The following MMP17 variants were observed in gnomAD, a reference collection of about 807,000 sequenced individuals.
MMP17 encodes the protein matrix metallopeptidase 17.
Under a neutral mutation model 49.1 loss-of-function variants are expected in MMP17, and 54 were observed. The observed-to-expected ratio is 1.10, with a 90% CI of 0.88 to 1.38. The LOEUF (loss-of-function observed/expected upper bound fraction) is 1.38. MMP17 is among the 40% of genes most tolerant of loss of function. The pLI is 0.00. For synonymous variants in MMP17, 397 were observed against 383.1 expected (o/e 1.04, Z -0.42); for missense variants, 837 against 853.7 (o/e 0.98, Z 0.24).
Position 131,848,475 on chromosome 12 carries a change from C to T in MMP17, c.1205-1327C>T, listed in dbSNP as rs747127484. ...AGCCACAGCTCGGTGGCATGAAGCA[C>T]GTTCACGTTGCTGTGCAGCTGTCAC... On this transcript the variant is annotated intron_variant, in intron 8 of 9. Transcript: ENST00000360564. 7.8e-4 allele frequency among the ~76,000 whole-genome samples: 119 copies of T among 152,332 alleles called. 2 individuals are homozygous for T. The highest frequency in any genetic ancestry group is 1.2e-3 in the Non-Finnish European group (83 of 68,034).
intron 1 of MMP17, among the ~76,000 whole-genome samples, chr12:131,830,619 C>T (rs995185511): frequency 2.0e-5 from 3 of 152,230 alleles, no homozygotes; most frequent in African/African-American, 7.2e-5. Flanking sequence ...GGGGACTCCT[C>T]CTCCGCCCGC....
At chr12:131,829,734 C>T (rs1886697875) in intron 1 of MMP17, among the ~76,000 whole-genome samples, 1 of 152,234 alleles carries the variant, frequency 6.6e-6, no homozygotes. Flanking sequence ...GCAGTCGAGG[C>T]ATATGGAGGG....
At chr12:131,844,950 A>AT in intron 6 of MMP17, 168 bp from the exon 7 acceptor site, 4 of 640,200 alleles carry the variant, frequency 6.2e-6, no homozygotes, top group South Asian at 3.7e-5. Context: ...GAAGCGGTGG[A>AT]CAGGCACCCC....
Position 131,850,037 on chromosome 12 carries a change from C to T in MMP17, c.1440C>T (p.Asp480=), listed in dbSNP as rs149055160. 35 of 1,612,460 alleles carry T rather than the reference C, an allele frequency of 2.2e-5. No homozygotes were observed. The highest frequency in any genetic ancestry group is 1.1e-4 in the African/African-American group (8 of 75,026). Residue 480 remains aspartate (D), a synonymous_variant, in exon 9 of 10, where the codon GAC becomes GAT. Coordinates refer to ENST00000360564, the MANE Select transcript of MMP17 (RefSeq NM_016155.7). ...PLWRGVPSTL[D]DAMRWSDGAS... ...GGAGGGGTGTCCCCAGCACGCTGGA[C>T]GACGCCATGCGCTGGTCCGACGGTG...
chr12:131,838,504 G>A (rs1418635414), intron 2 of MMP17, 108 bp from the exon 3 acceptor site: 16 of 1,473,228 alleles, frequency 1.1e-5, no homozygotes, highest in Admixed American at 4.8e-5. Flanking sequence ...AGGAGGGGGC[G>A]GCTCGGAGGC....
In MMP17 at chr12:131,845,450, G is replaced by A; in HGVS notation, c.1204+1G>A. 3 of 1,560,484 alleles carry A rather than the reference G, an allele frequency of 1.9e-6. No homozygotes were observed. Among genetic ancestry groups the A allele is most frequent in the Non-Finnish European group, 2.6e-6 (3 of 1,155,584 alleles). On this transcript the variant is annotated splice_donor_variant, in intron 8 of 9. Transcript: ENST00000360564. LOFTEE classifies it high-confidence loss of function. ...GACCACAAGATCGTCTTCTTTAAAG[G>A]TGGGTGGGCCTCCCCGTCGCACTCC... is the stretch of plus-strand genomic sequence containing the variant.
chr12:131,851,071 G>A lies in MMP17; in HGVS notation c.1609G>A (p.Asp537Asn). ...QADGSVAAGV[D>N]AAEGPRAPPG... is the part of the protein sequence containing the mutation. ...CGATGGATCTGTGGCTGCGGGCGTG[G>A]ACGCGGCAGAGGGGCCCCGCGCCCC... Residue 537 changes from aspartate (D) to asparagine (N), a missense_variant, in exon 10 of 10, where the codon GAC (aspartate) becomes AAC (asparagine). Physicochemically the swap from Asp to Asn is conservative, Grantham distance 23. Coordinates refer to ENST00000360564, the MANE Select transcript of MMP17 (RefSeq NM_016155.7). The A allele has an allele frequency of 6.2e-7, 1 of 1,607,356 alleles. No homozygotes were observed. Among genetic ancestry groups the A allele is most frequent in the Non-Finnish European group, 8.5e-7 (1 of 1,177,382 alleles).
intron 3 of MMP17, among the ~76,000 whole-genome samples, chr12:131,839,779 C>G (rs140111686): frequency 6.6e-5 from 10 of 152,084 alleles, no homozygotes; most frequent in African/African-American, 2.2e-4. Context: ...GAGACCCCGT[C>G]TCTACTAAAA....
intron 8 of MMP17, 49 bp downstream of exon 8, chr12:131,845,498 G>T: frequency 6.6e-7 from 1 of 1,517,920 alleles, no homozygotes; most frequent in South Asian, 1.3e-5. Context: ...CCCTCTGTCC[G>T]CCTCATGGAG....
rs199551747 is a variant in MMP17, at chr12:131,849,800, A to G, written c.1205-2A>G. On this transcript the variant is annotated splice_acceptor_variant, in intron 8 of 9. Coordinates refer to ENST00000360564, the MANE Select transcript of MMP17 (RefSeq NM_016155.7). LOFTEE classifies it high-confidence loss of function. ...GCCCACAGCTGTTTCTCTCGCCCCC[A>G]GGAGACAGGTACTGGGTGTTCAAGG... 8.1e-6 allele frequency: 13 copies of G among 1,608,070 alleles called. No individual in the cohort carries two copies. In the East Asian group the frequency reaches 2.7e-4, roughly 33 times the overall value.
In MMP17 at chr12:131,838,214, G is replaced by A; in HGVS notation, c.179G>A (p.Gly60Asp). The A allele has an allele frequency of 6.2e-7, 1 of 1,613,054 alleles. No homozygotes were observed. Among genetic ancestry groups the A allele is most frequent in the Non-Finnish European group, 8.5e-7 (1 of 1,179,834 alleles). Residue 60 changes from glycine (G) to aspartate (D), a missense_variant, in exon 2 of 10, where the codon GGT (glycine) becomes GAT (aspartate). By Grantham distance (94) the Gly-to-Asp change is moderately conservative. Transcript: ENST00000360564. Reference protein sequence around the residue: ...SLGVEWLSRFGYLPPADPTTG... With the variant: ...SLGVEWLSRFDYLPPADPTTG... ...CCTCAGGAGTGGCTAAGCAGGTTCGGTTACCTGCCCCCGGCTGACCCCACA... is the reference window on the plus strand; with the variant it reads ...CCTCAGGAGTGGCTAAGCAGGTTCGATTACCTGCCCCCGGCTGACCCCACA...
At chr12:131,828,930 GGGGTCGCCCACCCGGAGCCC>G (rs957462258) in intron 1 of MMP17, among the ~76,000 whole-genome samples, 12 of 152,006 alleles carry the variant, frequency 7.9e-5, no homozygotes, top group African/African-American at 2.2e-4. Flanking sequence ...GAGTTGTGAG[GGGGTCGCCCACCCGGAGCCC>G]GGGTCGCCGG....
rs751976646 is a variant in MMP17 at position 131,849,795 on chromosome 12, C to T, written c.1205-7C>T. On this transcript the variant is annotated splice_polypyrimidine_tract_variant and splice_region_variant and intron_variant, in intron 8 of 9. Transcript: ENST00000360564. Reference sequence around the variant, plus strand: ...CCCCGGCCCACAGCTGTTTCTCTCGCCCCCAGGAGACAGGTACTGGGTGTT... The same window carrying T: ...CCCCGGCCCACAGCTGTTTCTCTCGTCCCCAGGAGACAGGTACTGGGTGTT... 1 of 1,606,626 alleles carries T rather than the reference C, an allele frequency of 6.2e-7. No individual in the cohort carries two copies. Among genetic ancestry groups the T allele is most frequent in the Admixed American group, 1.7e-5 (1 of 59,790 alleles).
At chr12:131,837,437 T>C (rs1016243868) in intron 1 of MMP17, among the ~76,000 whole-genome samples, 2 of 152,152 alleles carry the variant, frequency 1.3e-5, no homozygotes, top group African/African-American at 4.8e-5. Flanking sequence ...CCTGGGCTCT[T>C]ATCTCCCCCA....
Position 131,840,747 on chromosome 12 carries a change from C to A in MMP17, c.597C>A (p.Pro199=), listed in dbSNP as rs145755207. Residue 199 remains proline, a synonymous_variant, in exon 4 of 10, where the codon CCC becomes CCA. Coordinates refer to ENST00000360564, the MANE Select transcript of MMP17 (RefSeq NM_016155.7). ...AGGCCGACCATAACGACGGCTACCC[C>A]TTCGACGGCCCCGGCGGCACCGTGG... The part of the protein sequence containing the change: ...FSKADHNDGY[P]FDGPGGTVAH... 1,116 of 1,604,460 alleles carry A rather than the reference C, an allele frequency of 7.0e-4. 5 individuals are homozygous for A. In the African/African-American group the frequency reaches 0.014, roughly 19 times the overall value.
chr12:131,844,102 C>A, intron 6 of MMP17, 21 bp downstream of exon 6: 1 of 1,537,942 alleles, frequency 6.5e-7, no homozygotes, highest in Non-Finnish European at 8.8e-7. Flanking sequence ...GGCCCACGGT[C>A]ACCACCCGCT....
chr12:131,843,120 C>A (rs1364195043), intron 5 of MMP17, among the ~76,000 whole-genome samples: 2 of 151,828 alleles, frequency 1.3e-5, no homozygotes, highest in African/African-American at 4.8e-5. Flanking sequence ...ACCGCCACCA[C>A]GCCCGGCTAA....
intron 8 of MMP17, among the ~76,000 whole-genome samples, chr12:131,848,825 G>A (rs1887834215): frequency 6.6e-6 from 1 of 152,194 alleles, no homozygotes; most frequent in Non-Finnish European, 1.5e-5. Context: ...CTGCTCACTT[G>A]GGTTTCCTCT....
chr12:131,834,183 C>T (rs368349891), intron 1 of MMP17, among the ~76,000 whole-genome samples: 7 of 152,300 alleles, frequency 4.6e-5, no homozygotes, highest in South Asian at 2.1e-4. Flanking sequence ...AGCAGGAGAG[C>T]GGCCGCCTCT....
Sources: allele counts gnomAD v4.1 joint callset (sites outside exome capture counted in the v4.1 genomes callset), GRCh38; gene constraint gnomAD v4.1.1; transcripts MANE v1.5; gene names NCBI Gene and HGNC (gene_info 2026-07-23, HGNC 2026-07-21).